The following ACVR2A variants were observed in gnomAD, a reference collection of about 807,000 sequenced individuals.
ACVR2A encodes activin A receptor type 2A.
In ACVR2A, 7 loss-of-function variants were observed where a neutral mutation model predicts 61.4. That is an observed-to-expected ratio of 0.11 (90% CI 0.06 to 0.21). The LOEUF (loss-of-function observed/expected upper bound fraction) is 0.21. Ranked by LOEUF, ACVR2A falls within the 10% of genes least tolerant of loss-of-function variation. ACVR2A has a pLI of 1.00. For missense variants in ACVR2A, 322 were observed against 621.7 expected, an observed-to-expected ratio of 0.52 and a Z score of 5.13; for synonymous variants, 193 against 208.3, an observed-to-expected ratio of 0.93 and a Z score of 0.63.
At chr2:147,871,629 T>C (rs1686021242) in intron 1 of ACVR2A, among the ~76,000 whole-genome samples, 1 of 152,148 alleles carries the variant, frequency 6.6e-6, no homozygotes, top group African/African-American at 2.4e-5. Context: ...AAGTGTAGAA[T>C]AGCTGCTCTT....
intron 1 of ACVR2A, among the ~76,000 whole-genome samples, chr2:147,864,611 C>A (rs1021908307): frequency 6.6e-6 from 1 of 152,028 alleles, no homozygotes; most frequent in Non-Finnish European, 1.5e-5. Context: ...AATTTCTTAT[C>A]TGTGTTTTTT....
chr2:147,898,923 T>C (rs1430327205), intron 2 of ACVR2A, among the ~76,000 whole-genome samples: 1 of 152,148 alleles, frequency 6.6e-6, no homozygotes, highest in Non-Finnish European at 1.5e-5. Flanking sequence ...CAGTATTAAT[T>C]TCTCAGCCTA....
At chr2:147,919,653 A>G (rs1284748598) in intron 7 of ACVR2A, among the ~76,000 whole-genome samples, 2 of 152,100 alleles carry the variant, frequency 1.3e-5, no homozygotes, top group Non-Finnish European at 2.9e-5. Context: ...TTACTGCCTT[A>G]AAACTGTTAC....
At chr2:147,855,318 C>T (rs142407812) in intron 1 of ACVR2A, among the ~76,000 whole-genome samples, 7 of 152,260 alleles carry the variant, frequency 4.6e-5, no homozygotes, top group Non-Finnish European at 8.8e-5. Flanking sequence ...TAACTAGCTG[C>T]CTGAAGCAAT....
At chr2:147,899,936 G>T (rs1343620439) in intron 4 of ACVR2A, 38 bp downstream of exon 4, 4 of 1,583,352 alleles carry the variant, frequency 2.5e-6, no homozygotes, top group Non-Finnish European at 3.4e-6. Context: ...GTTTTAAATT[G>T]TATATTTTTG....
intron 4 of ACVR2A, among the ~76,000 whole-genome samples, chr2:147,909,724 A>T (rs750218225): frequency 1.3e-5 from 2 of 152,090 alleles, no homozygotes; most frequent in African/African-American, 4.8e-5. Flanking sequence ...TGCAGCCTCA[A>T]TCTCCCAGGC....
intron 1 of ACVR2A, among the ~76,000 whole-genome samples, chr2:147,855,137 C>A (rs1685538093): frequency 6.6e-6 from 1 of 152,150 alleles, no homozygotes; most frequent in Non-Finnish European, 1.5e-5. Flanking sequence ...TCCTTGGCCT[C>A]CCAAAGTGCT....
At chr2:147,851,085 A>G (rs906157740) in intron 1 of ACVR2A, among the ~76,000 whole-genome samples, 4 of 152,066 alleles carry the variant, frequency 2.6e-5, no homozygotes, top group Non-Finnish European at 5.9e-5. Context: ...CCCTATCACT[A>G]CTTCCTTTTC....
In ACVR2A at chr2:147,926,211, C is replaced by T. The variant is rs371014328; in HGVS notation, c.1347+50C>T. 12 of 1,581,026 alleles carry T rather than the reference C, an allele frequency of 7.6e-6. No individual in the cohort carries two copies. In the South Asian group the frequency reaches 1.4e-4, roughly 18 times the overall value. ...TTTGAAATTCCAATAAAACACTTTT[C>T]AGAGGAATTATTTATCTCTGCACAT... On this transcript the variant is annotated intron_variant, in intron 10 of 10. Transcript: ENST00000241416.
chr2:147,918,858 T>C (rs1248132730), intron 7 of ACVR2A, among the ~76,000 whole-genome samples: 1 of 152,074 alleles, frequency 6.6e-6, no homozygotes, highest in Non-Finnish European at 1.5e-5. Context: ...TTTCTCGATC[T>C]CAAAGGAAAA....
intron 4 of ACVR2A, among the ~76,000 whole-genome samples, chr2:147,905,313 T>C (rs896777106): frequency 1.3e-5 from 2 of 152,140 alleles, no homozygotes; most frequent in African/African-American, 4.8e-5. Context: ...TCTTTTGTTT[T>C]ATTATGTGTT....
At chr2:147,868,702 G>C (rs1218148945) in intron 1 of ACVR2A, among the ~76,000 whole-genome samples, 1 of 151,928 alleles carries the variant, frequency 6.6e-6, no homozygotes, top group Non-Finnish European at 1.5e-5. Context: ...CGGGAACATG[G>C]CTTACTACAG....
intron 1 of ACVR2A, among the ~76,000 whole-genome samples, chr2:147,868,142 C>T (rs762247799): frequency 2.6e-5 from 4 of 152,140 alleles, no homozygotes; most frequent in Non-Finnish European, 5.9e-5. Flanking sequence ...GAATCGGCGC[C>T]CAGTTCACGT....
Position 147,915,338 on chromosome 2 carries a change from T to A in ACVR2A, c.672+4T>A. The A allele has an allele frequency of 6.2e-7, 1 of 1,611,108 alleles. No individual in the cohort carries two copies. The highest frequency in any genetic ancestry group is 8.5e-7 in the Non-Finnish European group (1 of 1,178,040). ...TGTCAAAATATTTCCAATACAGGTA[T>A]GTTTATTGCAGTTTTGTCATCTTAC... On this transcript the variant is annotated splice_donor_region_variant and intron_variant, in intron 5 of 10. Transcript: ENST00000241416.
chr2:147,869,147 T>C (rs1685948316), intron 1 of ACVR2A, among the ~76,000 whole-genome samples: 1 of 152,214 alleles, frequency 6.6e-6, no homozygotes, highest in Admixed American at 6.5e-5. Flanking sequence ...TTTTTTTCTT[T>C]AATATTAGAA....
At chr2:147,870,194 T>G (rs1685974403) in intron 1 of ACVR2A, among the ~76,000 whole-genome samples, 2 of 152,128 alleles carry the variant, frequency 1.3e-5, no homozygotes, top group South Asian at 4.1e-4. Flanking sequence ...GAAAAATGTC[T>G]GACCTATAAG....
chr2:147,861,996 C>T (rs1685737497), intron 1 of ACVR2A, among the ~76,000 whole-genome samples: 1 of 151,952 alleles, frequency 6.6e-6, no homozygotes, highest in Admixed American at 6.6e-5. Flanking sequence ...TAACTCAAAC[C>T]CTGAGATAAT....
At chr2:147,848,802 C>G (rs1050776401) in intron 1 of ACVR2A, among the ~76,000 whole-genome samples, 12 of 151,722 alleles carry the variant, frequency 7.9e-5, no homozygotes, top group African/African-American at 2.9e-4. Context: ...TACCCCCAAA[C>G]CTAAAATACA....
intron 4 of ACVR2A, among the ~76,000 whole-genome samples, chr2:147,905,464 CAG>C (rs766374402): frequency 4.0e-5 from 6 of 151,674 alleles, no homozygotes; most frequent in African/African-American, 9.7e-5. Flanking sequence ...TCTGCAAAGA[CAG>C]AACTCACATC....
Sources: gnomAD v4.1 joint callset for allele counts (sites outside exome capture counted in the v4.1 genomes callset) on GRCh38, gnomAD v4.1.1 for gene constraint, MANE v1.5 for transcripts, NCBI Gene and HGNC (gene_info 2026-07-23, HGNC 2026-07-21) for gene names.